The following CARMIL1 variants were observed in gnomAD, a reference collection of about 807,000 sequenced individuals.
The protein encoded by CARMIL1 is F-actin-uncapping protein LRRC16A.
A neutral mutation model predicts 177.1 loss-of-function variants in CARMIL1; 90 were observed. The observed-to-expected ratio is 0.51, with a 90% CI of 0.43 to 0.61. CARMIL1 has a LOEUF of 0.61. CARMIL1 is among the 20% of genes least tolerant of loss of function. The pLI is 0.00. For synonymous variants in CARMIL1, 577 were observed against 606.2 expected (o/e 0.95, Z 0.71); for missense variants, 1,380 against 1,667.0 (o/e 0.83, Z 3.00).
At chr6:25,417,430 T>G (rs1795457432) in intron 2 of CARMIL1, among the ~76,000 whole-genome samples, 1 of 152,198 alleles carries the variant, frequency 6.6e-6, no homozygotes, top group African/African-American at 2.4e-5. Flanking sequence ...ACTGCTGTAT[T>G]AGCCAAAGAT....
intron 8 of CARMIL1, among the ~76,000 whole-genome samples, chr6:25,451,016 C>CCCTCTCCCCTCTCT (rs1554198824): frequency 0.021 from 818 of 39,340 alleles, 317 homozygotes; most frequent in East Asian, 0.031. Context: ...CTCCCCTCTC[C>CCCTCTCCCCTCTCT]CCTCTCTTCT....
At chr6:25,533,240 T>C (rs1299981747) in intron 24 of CARMIL1, among the ~76,000 whole-genome samples, 1 of 152,228 alleles carries the variant, frequency 6.6e-6, no homozygotes, top group African/African-American at 2.4e-5. Flanking sequence ...TTGGTTTCTT[T>C]GTCACAATGT....
At chr6:25,443,416 T>C (rs1056289924) in intron 5 of CARMIL1, among the ~76,000 whole-genome samples, 2 of 152,198 alleles carry the variant, frequency 1.3e-5, no homozygotes, top group East Asian at 1.9e-4. Flanking sequence ...TTCCTTTGGG[T>C]AAAATAGACA....
At chr6:25,341,912 A>G (rs1398593103) in intron 2 of CARMIL1, among the ~76,000 whole-genome samples, 6 of 152,234 alleles carry the variant, frequency 3.9e-5, no homozygotes, top group African/African-American at 1.4e-4. Flanking sequence ...GAGAACAGAA[A>G]TAACACTGGA....
Position 25,558,925 on chromosome 6 carries a change from A to T in CARMIL1, c.2742+2075A>T, listed in dbSNP as rs1192567755. On this transcript the variant is annotated intron_variant, in intron 29 of 36. Coordinates refer to ENST00000329474, the MANE Select transcript of CARMIL1 (RefSeq NM_017640.6). The surrounding 1 kb of genome is among the most constrained non-coding windows in gnomAD (Gnocchi z 4.1). ...GTTCTAATAAATATTGTCTTCATTC[A>T]TTGTTCTAACTAGGCTAATAAGTTG... Among the ~76,000 whole-genome samples, 1 of 152,192 alleles carries T rather than the reference A, an allele frequency of 6.6e-6. No homozygotes were observed. Among genetic ancestry groups the T allele is most frequent in the East Asian group, 1.9e-4 (1 of 5,202 alleles).
intron 16 of CARMIL1, among the ~76,000 whole-genome samples, chr6:25,498,379 A>G (rs1803956468): frequency 6.6e-6 from 1 of 152,174 alleles, no homozygotes; most frequent in Admixed American, 6.5e-5. Context: ...ATTTTTCCCC[A>G]GTGCCCAGTA....
chr6:25,613,323 A>T (rs1816648979), intron 36 of CARMIL1, among the ~76,000 whole-genome samples: 2 of 152,194 alleles, frequency 1.3e-5, no homozygotes, highest in Admixed American at 1.3e-4. Context: ...TCAGGAAAGG[A>T]TCAATAAAAA....
chr6:25,611,354 A>C (rs1816490531), intron 36 of CARMIL1, among the ~76,000 whole-genome samples: 1 of 152,220 alleles, frequency 6.6e-6, no homozygotes, highest in Admixed American at 6.5e-5. Flanking sequence ...GAGGTAAATA[A>C]ATACAGGGTT....
At chr6:25,604,616 T>C (rs1425267049) in intron 33 of CARMIL1, among the ~76,000 whole-genome samples, 196 bp from the exon 34 acceptor site, 1 of 152,170 alleles carries the variant, frequency 6.6e-6, no homozygotes, top group Non-Finnish European at 1.5e-5. Flanking sequence ...GTCCTGACCG[T>C]AAACACAGAA....
intron 2 of CARMIL1, among the ~76,000 whole-genome samples, chr6:25,336,731 C>T (rs1179687346): frequency 1.3e-5 from 2 of 152,064 alleles, no homozygotes; most frequent in Non-Finnish European, 2.9e-5. Flanking sequence ...GGTAGGCACT[C>T]AATAAATGTT....
intron 8 of CARMIL1, among the ~76,000 whole-genome samples, chr6:25,457,560 C>T (rs41368745): frequency 0.15 from 23,166 of 152,092 alleles, 2,136 homozygotes; most frequent in South Asian, 0.25. Context: ...ACTCCAACTC[C>T]CATATTCAAA....
intron 2 of CARMIL1, among the ~76,000 whole-genome samples, chr6:25,311,726 C>G (rs1228411612): frequency 6.6e-6 from 1 of 152,090 alleles, no homozygotes; most frequent in Non-Finnish European, 1.5e-5. Flanking sequence ...ATATGATACA[C>G]ACCCATCAGA....
chr6:25,292,731 C>G (rs1782074467), intron 2 of CARMIL1, among the ~76,000 whole-genome samples: 1 of 152,116 alleles, frequency 6.6e-6, no homozygotes, highest in Non-Finnish European at 1.5e-5. Flanking sequence ...AAAAGATACT[C>G]TTTTTCCAGT....
At chr6:25,377,247 C>T (rs1791080980) in intron 2 of CARMIL1, among the ~76,000 whole-genome samples, 1 of 152,202 alleles carries the variant, frequency 6.6e-6, no homozygotes, top group Admixed American at 6.5e-5. Flanking sequence ...GGCACCAGGG[C>T]TGACTGGCTG....
At chr6:25,306,557 T>C (rs1450810617) in intron 2 of CARMIL1, among the ~76,000 whole-genome samples, 9 of 152,152 alleles carry the variant, frequency 5.9e-5, no homozygotes. Flanking sequence ...GCCAACAAGG[T>C]TGGGGACTGC....
rs1789658090 is a variant in CARMIL1, at chr6:25,365,297, T to C, written c.139-54817T>C. ...AGATTCTTGCACATCATTTCTTGAA[T>C]CCATGTATAGGCATCTTTGGCTTGC... On this transcript the variant is annotated intron_variant, in intron 2 of 36. Transcript: ENST00000329474. Among the ~76,000 whole-genome samples, 3 of 152,190 alleles carry C rather than the reference T, an allele frequency of 2.0e-5. No individual in the cohort carries two copies. The South Asian group carries it at 6.2e-4, about 31-fold the overall frequency.
chr6:25,428,591 T>C (rs1796470696), intron 4 of CARMIL1, among the ~76,000 whole-genome samples: 1 of 152,192 alleles, frequency 6.6e-6, no homozygotes, highest in Non-Finnish European at 1.5e-5. Flanking sequence ...GATATTACAA[T>C]GAATTTTTAA....
intron 2 of CARMIL1, among the ~76,000 whole-genome samples, chr6:25,370,891 CT>C (rs920983849): frequency 6.6e-5 from 10 of 151,790 alleles, no homozygotes; most frequent in Non-Finnish European, 1.3e-4. Context: ...CAATATGTAG[CT>C]TTTTTTTATC....
intron 17 of CARMIL1, among the ~76,000 whole-genome samples, chr6:25,507,728 TCA>T (rs1805052012): frequency 1.3e-5 from 2 of 150,148 alleles, no homozygotes; most frequent in African/African-American, 4.9e-5. Flanking sequence ...AACAAGTAAA[TCA>T]CTATCAGCAA....
Sources: allele counts gnomAD v4.1 joint callset (sites outside exome capture counted in the v4.1 genomes callset), GRCh38; gene constraint gnomAD v4.1.1; non-coding constraint Gnocchi (gnomAD v3.1); transcripts MANE v1.5; gene names NCBI Gene and HGNC (gene_info 2026-07-23, HGNC 2026-07-21).